Variants in HS2ST1 observed in about 807,000 individuals in gnomAD.
HS2ST1 encodes heparan sulfate 2-O-sulfotransferase 1.
Under a neutral mutation model 42.9 loss-of-function variants are expected in HS2ST1, and 18 were observed. The ratio of observed to expected loss-of-function variants is 0.42; its 90% CI spans 0.29 to 0.62. The LOEUF (loss-of-function observed/expected upper bound fraction) is 0.62, where lower values mean the gene tolerates loss of function less well. HS2ST1 is among the 20% of genes least tolerant of loss of function. The pLI is 0.21. For missense variants in HS2ST1, 334 were observed against 433.8 expected (o/e 0.77, Z 2.04); for synonymous variants, 146 against 152.9 (o/e 0.95, Z 0.33).
At chr1:86,940,087 G>A (rs1660730543) in intron 1 of HS2ST1, among the ~76,000 whole-genome samples, 1 of 152,094 alleles carries the variant, frequency 6.6e-6, no homozygotes, top group Non-Finnish European at 1.5e-5. Flanking sequence ...AAATAGGCTT[G>A]GTACAGTGGC....
At chr1:87,058,106 T>G (rs1458891189) in intron 1 of HS2ST1, among the ~76,000 whole-genome samples, 2 of 151,568 alleles carry the variant, frequency 1.3e-5, no homozygotes, top group Non-Finnish European at 2.9e-5. Context: ...TAGCATAGCT[T>G]TATGGAACTT....
intron 1 of HS2ST1, among the ~76,000 whole-genome samples, chr1:87,062,805 A>G (rs577160887): frequency 3.3e-5 from 5 of 152,212 alleles, no homozygotes; most frequent in South Asian, 2.1e-4. Context: ...TTCTCTAGGT[A>G]TACGATTATT....
chr1:87,054,168 G>A (rs1168144133), intron 1 of HS2ST1, among the ~76,000 whole-genome samples: 1 of 152,032 alleles, frequency 6.6e-6, no homozygotes. Flanking sequence ...TACATTAATA[G>A]CCTATTTTTC....
At chr1:87,093,472 C>T (rs575997079) in intron 4 of HS2ST1, among the ~76,000 whole-genome samples, 76 of 152,178 alleles carry the variant, frequency 5.0e-4, no homozygotes, top group African/African-American at 1.6e-3. Context: ...TGACCACTTC[C>T]GTAAAGTCTT....
intron 1 of HS2ST1, among the ~76,000 whole-genome samples, chr1:86,944,327 G>T (rs1308978660): frequency 6.6e-6 from 1 of 151,894 alleles, no homozygotes; most frequent in East Asian, 1.9e-4. Context: ...AACGTTTTTT[G>T]GCCTAGTGAT....
intron 1 of HS2ST1, chr1:87,044,883 C>T (rs1186231372): frequency 4.1e-6 from 5 of 1,218,620 alleles, no homozygotes; most frequent in Non-Finnish European, 5.7e-6. Context: ...CTGGTTCTGC[C>T]TAGATAAACT....
At chr1:86,957,189 A>AT (rs1647699623) in intron 1 of HS2ST1, among the ~76,000 whole-genome samples, 1 of 152,232 alleles carries the variant, frequency 6.6e-6, no homozygotes, top group African/African-American at 2.4e-5. Flanking sequence ...AAATTTTGTC[A>AT]TTTTAAAGAG....
intron 1 of HS2ST1, among the ~76,000 whole-genome samples, chr1:86,921,234 A>G (rs1660288049): frequency 6.6e-6 from 1 of 152,048 alleles, no homozygotes. Flanking sequence ...CCTCTTCATC[A>G]GTTATGGAGA....
intron 2 of HS2ST1, among the ~76,000 whole-genome samples, chr1:87,076,717 G>C (rs950211787): frequency 2.6e-5 from 4 of 151,554 alleles, no homozygotes; most frequent in Non-Finnish European, 5.9e-5. Context: ...AATGGAGTTT[G>C]CTTTGCTGTC....
intron 1 of HS2ST1, among the ~76,000 whole-genome samples, chr1:87,052,012 G>A (rs1253856305): frequency 2.2e-4 from 34 of 152,134 alleles, no homozygotes; most frequent in Admixed American, 2.2e-3. Context: ...CAGCATCTTG[G>A]GAGGCTGAGG....
Position 87,045,230 on chromosome 1 carries a change from T to A in HS2ST1, c.125-27704T>A, listed in dbSNP as rs141818032. 3.9e-6 allele frequency: 4 copies of A among 1,031,718 alleles called. No homozygotes were observed. The East Asian group carries it at 9.5e-5, about 25-fold the overall frequency. 63.9% of individuals were successfully genotyped at this position (1,031,718 alleles called of 1,614,324 possible). A position where few individuals can be genotyped will look rare whatever the true frequency, so the allele number is the denominator to read the frequency against. The stretch of plus-strand genomic sequence containing the variant: ...CATCACCAACACTTCAAATTCAACA[T>A]CCTTTCCTAGGTCTTCACTATGAAG... On this transcript the variant is annotated intron_variant, in intron 1 of 6. Transcript: ENST00000370550.
At position 87,072,996 on chromosome 1, in the gene HS2ST1, C is replaced by T. The variant is rs368496293; in HGVS notation, c.187C>T (p.Arg63Trp). The change falls in exon 2 of 7, where the codon CGG becomes TGG. Residue 63 changes from arginine to tryptophan, a missense_variant. Physicochemically the swap from Arg to Trp is moderately radical, Grantham distance 101 (BLOSUM62 -3). Coordinates refer to ENST00000370550, the MANE Select transcript of HS2ST1 (RefSeq NM_012262.4). The part of the protein sequence containing the change: ...IEQRHTMDGP[R>W]QDATLDEEED... ...GCAGCGACATACAATGGATGGCCCT[C>T]GGCAAGATGCCACTTTAGATGAGGA... is the stretch of plus-strand genomic sequence containing the variant. 1.6e-5 allele frequency: 26 copies of T among 1,613,882 alleles called. No individual in the cohort carries two copies. The highest frequency in any genetic ancestry group is 4.0e-5 in the African/African-American group (3 of 74,912).
chr1:87,036,749 T>C (rs1267571080), intron 1 of HS2ST1, among the ~76,000 whole-genome samples: 1 of 152,156 alleles, frequency 6.6e-6, no homozygotes, highest in Non-Finnish European at 1.5e-5. Flanking sequence ...AATGTCAACA[T>C]TGCACACTCT....
At chr1:87,030,779 CT>C (rs1001940652) in intron 1 of HS2ST1, among the ~76,000 whole-genome samples, 48 of 152,266 alleles carry the variant, frequency 3.2e-4, no homozygotes, top group Admixed American at 7.2e-4. Context: ...ACAAATATTT[CT>C]GTTCTTCCAG....
chr1:86,997,685 G>T (rs1649148244), intron 1 of HS2ST1, among the ~76,000 whole-genome samples: 1 of 152,084 alleles, frequency 6.6e-6, no homozygotes, highest in Admixed American at 6.5e-5. Context: ...CCCAGTAGAT[G>T]CCTGAAACCA....
At chr1:87,036,340 T>C (rs890292658) in intron 1 of HS2ST1, among the ~76,000 whole-genome samples, 1 of 152,198 alleles carries the variant, frequency 6.6e-6, no homozygotes, top group South Asian at 2.1e-4. Flanking sequence ...CTGGGTCAAA[T>C]GGTATTTCTG....
chr1:87,010,875 TC>T (rs1296013857), intron 1 of HS2ST1, among the ~76,000 whole-genome samples: 1 of 151,950 alleles, frequency 6.6e-6, no homozygotes, highest in Non-Finnish European at 1.5e-5. Flanking sequence ...AGCTTCCACT[TC>T]CCGGGTTCAA....
At chr1:86,976,604 CAT>C (rs1280443875) in intron 1 of HS2ST1, among the ~76,000 whole-genome samples, 7 of 150,486 alleles carry the variant, frequency 4.7e-5, no homozygotes, top group Non-Finnish European at 7.4e-5. Context: ...CAATGAATAA[CAT>C]ATTCAAATTA....
intron 1 of HS2ST1, among the ~76,000 whole-genome samples, chr1:86,997,618 A>G (rs763290249): frequency 6.6e-5 from 10 of 152,142 alleles, no homozygotes; most frequent in Non-Finnish European, 1.5e-4. Context: ...ATTTGAGATT[A>G]AATTAAGAAA....
Sources: gnomAD v4.1 joint callset for allele counts (sites outside exome capture counted in the v4.1 genomes callset) on GRCh38, gnomAD v4.1.1 for gene constraint, MANE v1.5 for transcripts, NCBI Gene and HGNC (gene_info 2026-07-23, HGNC 2026-07-21) for gene names.